OPCML: variants seen among roughly 807,000 people sequenced by gnomAD.
OPCML encodes the protein opioid-binding protein/cell adhesion molecule.
A neutral mutation model predicts 37.8 loss-of-function variants in OPCML; 13 were observed. The ratio of observed to expected loss-of-function variants is 0.34; its 90% CI spans 0.22 to 0.55. The LOEUF is 0.55. Among genes scored for constraint, OPCML ranks in the 20% least tolerant of loss-of-function variants. The pLI is 0.91. For synonymous variants in OPCML, 176 were observed against 168.8 expected (o/e 1.04, Z -0.33); for missense variants, 341 against 435.6 (o/e 0.78, Z 1.93).
At chr11:133,152,095 T>C (rs994402094) in intron 1 of OPCML, among the ~76,000 whole-genome samples, 1 of 152,226 alleles carries the variant, frequency 6.6e-6, no homozygotes, top group African/African-American at 2.4e-5. Context: ...GTATTGTTTC[T>C]ACCTTGGAGT....
chr11:133,350,423 A>G (rs1284535242), intron 1 of OPCML, among the ~76,000 whole-genome samples: 1 of 152,208 alleles, frequency 6.6e-6, no homozygotes, highest in Non-Finnish European at 1.5e-5. Flanking sequence ...TCCCTGCTTG[A>G]AGTTGAAAAC....
At chr11:132,501,806 T>C (rs905167674) in intron 4 of OPCML, among the ~76,000 whole-genome samples, 5 of 152,210 alleles carry the variant, frequency 3.3e-5, no homozygotes, top group South Asian at 2.1e-4. Context: ...TTCTAGCTAA[T>C]TGTAGACAAA....
chr11:132,729,154 A>C (rs565647462), intron 2 of OPCML, among the ~76,000 whole-genome samples: 21 of 152,314 alleles, frequency 1.4e-4, no homozygotes, highest in Admixed American at 1.1e-3. Flanking sequence ...TGAGAGTAAA[A>C]ATGAACTTTC....
At position 133,352,173 on chromosome 11, in the gene OPCML, A is replaced by G. The variant is rs142581417; in HGVS notation, c.61+180091T>C. Reference sequence around the variant, plus strand: ...GGCTAAAGCCTTCAGGACTTACTATATACTTAGAATAAACTTCAGGCTTCT... The same window carrying G: ...GGCTAAAGCCTTCAGGACTTACTATGTACTTAGAATAAACTTCAGGCTTCT... On this transcript the variant is annotated intron_variant, in intron 1 of 7. Transcript: ENST00000524381. 1.1e-4 allele frequency among the ~76,000 whole-genome samples: 17 copies of G among 152,328 alleles called. No homozygotes were observed. The East Asian group carries it at 3.3e-3, about 29-fold the overall frequency.
At chr11:132,451,436 A>T (rs916252072) in intron 4 of OPCML, among the ~76,000 whole-genome samples, 1 of 152,184 alleles carries the variant, frequency 6.6e-6, no homozygotes, top group African/African-American at 2.4e-5. Flanking sequence ...GAGACCACAG[A>T]GGCACAGAAC....
At chr11:132,800,232 A>G (rs977136504) in intron 2 of OPCML, among the ~76,000 whole-genome samples, 3 of 152,168 alleles carry the variant, frequency 2.0e-5, no homozygotes, top group African/African-American at 4.8e-5. Context: ...TGCAATTGCT[A>G]GTATGCAATT....
intron 2 of OPCML, among the ~76,000 whole-genome samples, chr11:132,730,932 A>G (rs142580954): frequency 6.6e-6 from 1 of 152,358 alleles, no homozygotes; most frequent in East Asian, 1.9e-4. Context: ...AGCTCAGGAT[A>G]GTCTTGAACC....
chr11:132,618,639 C>T (rs1173174843), intron 3 of OPCML, among the ~76,000 whole-genome samples: 3 of 152,122 alleles, frequency 2.0e-5, no homozygotes, highest in African/African-American at 7.2e-5. Flanking sequence ...CTTCTTTATC[C>T]ACATAGATCT....
rs369110273 is a variant in OPCML, at chr11:133,209,850, TCTAA to T, written c.62-266844_62-266841del. Among the ~76,000 whole-genome samples the T allele has an allele frequency of 7.9e-4, 120 of 152,346 alleles. No individual in the cohort carries two copies. The East Asian group carries it at 0.01, about 13-fold the overall frequency. On this transcript the variant is annotated intron_variant, in intron 1 of 7. Transcript: ENST00000524381. ...TATGAGAAAACATAATGTATCTGTT[TCTAA>T]CTGAGTTTCACCTCTATTTATTATT...
intron 1 of OPCML, among the ~76,000 whole-genome samples, chr11:133,525,900 C>T (rs541687183): frequency 3.9e-5 from 6 of 152,308 alleles, no homozygotes; most frequent in African/African-American, 7.2e-5. Context: ...TTGGCCTTTC[C>T]GGGGGTCTCT....
At chr11:132,838,377 A>G (rs553726341) in intron 2 of OPCML, among the ~76,000 whole-genome samples, 2 of 152,346 alleles carry the variant, frequency 1.3e-5, no homozygotes, top group African/African-American at 4.8e-5. Flanking sequence ...TGACAGGGCT[A>G]CTAAGCTACA....
intron 4 of OPCML, among the ~76,000 whole-genome samples, chr11:132,504,260 C>T (rs753757972): frequency 2.0e-5 from 3 of 152,260 alleles, no homozygotes; most frequent in East Asian, 1.9e-4. Context: ...AGTAAGTACA[C>T]GCCTCCATAG....
chr11:132,694,485 C>A (rs1056067851), intron 2 of OPCML, among the ~76,000 whole-genome samples: 4 of 152,104 alleles, frequency 2.6e-5, no homozygotes, highest in Admixed American at 1.3e-4. Flanking sequence ...GCGTGAGCCA[C>A]CGTGCCTGGC....
rs143809845 is a variant in OPCML at position 133,450,722 on chromosome 11, G to A, written c.61+81542C>T. On this transcript the variant is annotated intron_variant, in intron 1 of 7. Coordinates refer to ENST00000524381, the MANE Select transcript of OPCML (RefSeq NM_001012393.5). ...AGGAAACAGAGAACACAACGTGAAG[G>A]AAAAGTGAAGACAGTATAGGCAAAG... Among the ~76,000 whole-genome samples the A allele has an allele frequency of 5.6e-3, 852 of 151,724 alleles. 46 individuals are homozygous for A. The highest frequency in any genetic ancestry group is 0.02 in the African/African-American group (823 of 41,032).
At chr11:133,120,486 T>C (rs1243762897) in intron 1 of OPCML, among the ~76,000 whole-genome samples, 1 of 152,200 alleles carries the variant, frequency 6.6e-6, no homozygotes, top group East Asian at 1.9e-4. Flanking sequence ...AAGCATTTTT[T>C]ATGAATCAAC....
chr11:132,448,163 G>T (rs866487235), intron 4 of OPCML, among the ~76,000 whole-genome samples: 1 of 152,222 alleles, frequency 6.6e-6, no homozygotes, highest in Middle Eastern at 3.2e-3. Context: ...GCACAGCTCA[G>T]TTCCTGCAGA....
At chr11:132,607,385 C>T (rs1386285286) in intron 3 of OPCML, among the ~76,000 whole-genome samples, 1 of 152,090 alleles carries the variant, frequency 6.6e-6, no homozygotes, top group Non-Finnish European at 1.5e-5. Flanking sequence ...GTATGGAGGC[C>T]AGGATATTTC....
rs1022146393 is a variant in OPCML at position 132,415,194 on chromosome 11, G to C, written c.*4999C>G. 2 of 152,544 alleles carry C rather than the reference G, an allele frequency of 1.3e-5. No individual in the cohort carries two copies. Among genetic ancestry groups the C allele is most frequent in the African/African-American group, 4.8e-5 (2 of 41,412 alleles). The allele number at this position is 152,544 out of a possible 1,614,324, so 9.4% of individuals were successfully genotyped here. On this transcript the variant is annotated 3_prime_UTR_variant, in exon 8 of 8. Coordinates refer to ENST00000524381, the MANE Select transcript of OPCML (RefSeq NM_001012393.5). ...TAAAAGAAAAAAAGAACTCTAGAAG[G>C]CTGACAAAGTCATACTCTTGTATCG...
chr11:132,655,127 T>A (rs372970152), intron 3 of OPCML, among the ~76,000 whole-genome samples: 1 of 152,246 alleles, frequency 6.6e-6, no homozygotes, highest in African/African-American at 2.4e-5. Context: ...GCTTATATCA[T>A]CTATCTTCGT....
Sources: gnomAD v4.1 joint callset for allele counts (sites outside exome capture counted in the v4.1 genomes callset) on GRCh38, gnomAD v4.1.1 for gene constraint, MANE v1.5 for transcripts, NCBI Gene and HGNC (gene_info 2026-07-23, HGNC 2026-07-21) for gene names.